Variants in ADGRG4 observed in about 807,000 individuals in gnomAD.
The protein encoded by ADGRG4 is adhesion G protein-coupled receptor G4.
Under a neutral mutation model 126.2 loss-of-function variants are expected in ADGRG4, and 122 were observed. The observed-to-expected ratio is 0.97, with a 90% confidence interval of 0.83 to 1.12. ADGRG4 has a LOEUF of 1.12. Ranked by LOEUF, ADGRG4 falls within the 50% of genes most tolerant of loss-of-function variation. The pLI is 0.00. For synonymous variants in ADGRG4, 943 were observed against 838.7 expected, an observed-to-expected ratio of 1.12 and a Z score of -2.15; for missense variants, 2,481 against 2,251.8, an observed-to-expected ratio of 1.10 and a Z score of -2.06.
intron 15 of ADGRG4, among the ~76,000 whole-genome samples, chrX:136,377,167 C>T (rs1392540915): frequency 4.1e-5 from 2 of 48,654 alleles, no homozygotes; most frequent in Admixed American, 2.8e-4. Flanking sequence ...GTTTTCTTTC[C>T]TTTTTTTTTT....
chrX:136,405,831 C>T lies in ADGRG4; in HGVS notation c.8794C>T (p.Arg2932Trp), dbSNP rs201655013. 86 of 1,208,269 alleles carry T rather than the reference C, an allele frequency of 7.1e-5. No homozygotes were observed. Among genetic ancestry groups the T allele is most frequent in the South Asian group, 4.8e-4 (27 of 56,450 alleles). The change falls in exon 23 of 26, where the codon CGG becomes TGG. Residue 2932 changes from arginine (R) to tryptophan (W), a missense_variant. By Grantham distance (101) the Arg-to-Trp change is moderately radical (BLOSUM62 -3). Transcript: ENST00000394143. ...GAAATCCCAAATCCAGAAGACTCGG[C>T]GGAAGATGATCCTGCATGACCTCAA... ...SVKSQIQKTRRKMILHDLKGT... is the reference protein window; with the variant it reads ...SVKSQIQKTRWKMILHDLKGT...
chrX:136,323,347 C>A lies in ADGRG4; in HGVS notation c.640C>A (p.Leu214Ile), dbSNP rs769196157. 2.5e-6 allele frequency: 3 copies of A among 1,207,532 alleles called. No homozygotes were observed. The African/African-American group carries it at 5.3e-5, about 21-fold the overall frequency. The change falls in exon 5 of 26, where the codon CTT (leucine) becomes ATT (isoleucine). Residue 214 changes from leucine to isoleucine, a missense_variant. By Grantham distance (5) the Leu-to-Ile change is conservative. Coordinates refer to ENST00000394143, the MANE Select transcript of ADGRG4 (RefSeq NM_153834.4). ...NIVSWEEDVW[L>I]VNKIIPTVDR... is the part of the protein sequence containing the mutation. ...AGTTAGTTGGGAAGAAGACGTCTGG[C>A]TTGTCAACAAGATCATCCCAACTGT...
chrX:136,397,590 G>A (rs963592234), intron 19 of ADGRG4, among the ~76,000 whole-genome samples: 4 of 102,030 alleles, frequency 3.9e-5, no homozygotes, highest in Middle Eastern at 4.8e-3. Context: ...ACATCTCTCA[G>A]CTTGGTTATA....
rs979810013 is a variant in ADGRG4 at position 136,349,419 on chromosome X, A to G, written c.5713A>G (p.Asn1905Asp). ...ISTTINVPTS[N>D]EMETETLHLV... ...CACCACTATTAATGTACCTACATCC[A>G]ATGAGATGGAAACAGAGACTCTACA... The change falls in exon 6 of 26, where the codon AAT becomes GAT. Residue 1905 changes from asparagine (N) to aspartate (D), a missense_variant. Physicochemically the swap from Asn to Asp is conservative, Grantham distance 23 (BLOSUM62 1). Coordinates refer to ENST00000394143, the MANE Select transcript of ADGRG4 (RefSeq NM_153834.4). 2 of 1,203,921 alleles carry G rather than the reference A, an allele frequency of 1.7e-6. No individual in the cohort carries two copies. Among genetic ancestry groups the G allele is most frequent in the Non-Finnish European group, 2.2e-6 (2 of 889,079 alleles).
At chrX:136,320,179 C>T (rs1392844056) in intron 4 of ADGRG4, among the ~76,000 whole-genome samples, 1 of 111,889 alleles carries the variant, frequency 8.9e-6, no homozygotes, top group Admixed American at 9.5e-5. Context: ...TAAATAGTCA[C>T]TTATTGATAG....
intron 16 of ADGRG4, among the ~76,000 whole-genome samples, chrX:136,391,306 C>A (rs2075318507): frequency 9.0e-6 from 1 of 111,439 alleles, no homozygotes; most frequent in African/African-American, 3.3e-5. Context: ...GTATCACCAG[C>A]CCTACCTGTG....
rs1394407199 is a variant in ADGRG4 at position 136,412,486 on chromosome X, A to G, written c.9037+120A>G. 8.2e-6 allele frequency: 4 copies of G among 489,822 alleles called. No homozygotes were observed. In the Admixed American group the frequency reaches 1.2e-4, roughly 15 times the overall value. 40.4% of individuals were successfully genotyped at this position (489,822 alleles called of 1,213,427 possible). ...CAGCATCAAAACACAGGCTGTTTCCATGTCATAAAAATGATTTGTGCTTTT... is the reference window on the plus strand; with the variant it reads ...CAGCATCAAAACACAGGCTGTTTCCGTGTCATAAAAATGATTTGTGCTTTT... On this transcript the variant is annotated intron_variant, in intron 24 of 25. Coordinates refer to ENST00000394143, the MANE Select transcript of ADGRG4 (RefSeq NM_153834.4).
intron 5 of ADGRG4, among the ~76,000 whole-genome samples, chrX:136,341,983 T>C (rs1223057825): frequency 8.9e-6 from 1 of 111,937 alleles, no homozygotes; most frequent in East Asian, 2.8e-4. Context: ...GATGTTTGGG[T>C]GATTTCAATT....
At chrX:136,326,102 A>G (rs1039637749) in intron 5 of ADGRG4, among the ~76,000 whole-genome samples, 2 of 112,137 alleles carry the variant, frequency 1.8e-5, no homozygotes, top group South Asian at 7.4e-4. Context: ...AAACAAGGAA[A>G]TTATCACCTC....
intron 22 of ADGRG4, among the ~76,000 whole-genome samples, chrX:136,404,403 C>T (rs1168644585): frequency 9.0e-6 from 1 of 111,496 alleles, no homozygotes; most frequent in Non-Finnish European, 1.9e-5. Context: ...TCAGATGTGA[C>T]TTGGTTAGTA....
chrX:136,332,641 AT>A (rs1229586045), intron 5 of ADGRG4, among the ~76,000 whole-genome samples: 1 of 109,468 alleles, frequency 9.1e-6, no homozygotes, highest in East Asian at 2.9e-4. Flanking sequence ...AAGTGTTCCT[AT>A]TTGTCCACAT....
intron 4 of ADGRG4, among the ~76,000 whole-genome samples, chrX:136,322,003 T>C (rs1360642132): frequency 9.0e-6 from 1 of 111,418 alleles, no homozygotes; most frequent in Non-Finnish European, 1.9e-5. Context: ...ATCAGGAGGG[T>C]AAGTTACTTG....
chrX:136,322,346 A>G (rs2074844259), intron 4 of ADGRG4, among the ~76,000 whole-genome samples: 1 of 111,980 alleles, frequency 8.9e-6, no homozygotes, highest in Non-Finnish European at 1.9e-5. Context: ...CTGTTGCACC[A>G]TGAATGTAAT....
At chrX:136,387,694 T>A (rs541865686) in intron 15 of ADGRG4, 46 bp from the exon 16 acceptor site, 1 of 1,170,919 alleles carries the variant, frequency 8.5e-7, no homozygotes, top group Admixed American at 2.3e-5. Context: ...GACTTCACTA[T>A]GATGAATGAA....
At position 136,376,551 on chromosome X, in the gene ADGRG4, T is replaced by C. The variant is rs1160837598; in HGVS notation, c.7776+3487T>C. Among the ~76,000 whole-genome samples, 5 of 111,953 alleles carry C rather than the reference T, an allele frequency of 4.5e-5. No individual in the cohort carries two copies. In the East Asian group the frequency reaches 1.1e-3, roughly 25 times the overall value. On this transcript the variant is annotated intron_variant, in intron 15 of 25. Coordinates refer to ENST00000394143, the MANE Select transcript of ADGRG4 (RefSeq NM_153834.4). ...GATGTGTTTCCATTTGTTTGTGTCA[T>C]CTATGATTTCTTTCAACAGTGTTTC...
chrX:136,307,108 AGTT>A (rs2074738921), intron 3 of ADGRG4, among the ~76,000 whole-genome samples: 1 of 112,278 alleles, frequency 8.9e-6, no homozygotes, highest in Non-Finnish European at 1.9e-5. Context: ...CATACCTTGA[AGTT>A]GTTATAAAAG....
chrX:136,400,885 C>T (rs961224806), intron 21 of ADGRG4, among the ~76,000 whole-genome samples: 1 of 111,990 alleles, frequency 8.9e-6, no homozygotes, highest in African/African-American at 3.2e-5. Context: ...CAGCTCGGCT[C>T]CTTTCCTCTC....
intron 23 of ADGRG4, among the ~76,000 whole-genome samples, chrX:136,409,242 G>A (rs1569339846): frequency 8.9e-6 from 1 of 112,013 alleles, no homozygotes; most frequent in Non-Finnish European, 1.9e-5. Context: ...ATTTGTGAAG[G>A]AGGAATGCAC....
Position 136,346,265 on chromosome X carries a change from A to G in ADGRG4, c.2559A>G (p.Ser853=). Reference sequence around the variant, plus strand: ...CTTCCCATTATCTTATGAGAAAATCAACTATAGCAGCAGTGGCTGAGGTTT... The same window carrying G: ...CTTCCCATTATCTTATGAGAAAATCGACTATAGCAGCAGTGGCTGAGGTTT... ...EATSHYLMRK[S]TIAAVAEVSP... Residue 853 remains serine (S), a synonymous_variant, in exon 6 of 26, where the codon TCA becomes TCG. Coordinates refer to ENST00000394143, the MANE Select transcript of ADGRG4 (RefSeq NM_153834.4). 1.7e-6 allele frequency: 2 copies of G among 1,210,384 alleles called. No individual in the cohort carries two copies.
Sources: allele counts gnomAD v4.1 joint callset (sites outside exome capture counted in the v4.1 genomes callset), GRCh38; gene constraint gnomAD v4.1.1; transcripts MANE v1.5; gene names NCBI Gene and HGNC (gene_info 2026-07-23, HGNC 2026-07-21).